Variants in WWOX observed in about 807,000 individuals in gnomAD.
WWOX encodes the protein WW domain containing oxidoreductase.
WWOX carries 69 observed loss-of-function variants against 46.2 expected under a neutral mutation model. That is an observed-to-expected ratio of 1.49 (90% CI 1.23 to 1.82). WWOX has a LOEUF of 1.82. WWOX is among the 40% of genes most tolerant of loss of function. The pLI is 0.00. For synonymous variants in WWOX, 359 were observed against 202.6 expected (o/e 1.77, Z -6.56); for missense variants, 919 against 542.6 (o/e 1.69, Z -6.89).
At chr16:78,728,721 C>T (rs1384906479) in intron 8 of WWOX, among the ~76,000 whole-genome samples, 1 of 152,174 alleles carries the variant, frequency 6.6e-6, no homozygotes, top group Non-Finnish European at 1.5e-5. Flanking sequence ...TTCCAGTTTT[C>T]ACATCCTATG....
intron 8 of WWOX, among the ~76,000 whole-genome samples, chr16:78,681,129 G>C (rs2047718919): frequency 6.6e-6 from 1 of 152,158 alleles, no homozygotes; most frequent in Non-Finnish European, 1.5e-5. Context: ...CATGCCTGTA[G>C]TCCCAGCTAC....
At chr16:78,218,851 A>G (rs942091813) in intron 5 of WWOX, among the ~76,000 whole-genome samples, 1 of 152,250 alleles carries the variant, frequency 6.6e-6, no homozygotes, top group Non-Finnish European at 1.5e-5. Context: ...TTTGAGTCTA[A>G]TTGTTTTTAA....
At chr16:78,636,404 T>C (rs1042082089) in intron 8 of WWOX, among the ~76,000 whole-genome samples, 3 of 152,174 alleles carry the variant, frequency 2.0e-5, no homozygotes, top group Admixed American at 1.3e-4. Flanking sequence ...TTAAAGGAGA[T>C]TACAGTAGAG....
chr16:78,674,544 C>A (rs2047545818), intron 8 of WWOX, among the ~76,000 whole-genome samples: 1 of 152,142 alleles, frequency 6.6e-6, no homozygotes, highest in African/African-American at 2.4e-5. Context: ...CTCAGCCTCC[C>A]AAAGTGCTGA....
chr16:78,375,510 A>G (rs1266064586), intron 5 of WWOX, among the ~76,000 whole-genome samples: 2 of 152,248 alleles, frequency 1.3e-5, no homozygotes, highest in African/African-American at 4.8e-5. Flanking sequence ...ATCAGGTATT[A>G]GAGACACAGA....
At chr16:78,261,729 A>G (rs983287022) in intron 5 of WWOX, among the ~76,000 whole-genome samples, 4 of 140,694 alleles carry the variant, frequency 2.8e-5, no homozygotes, top group African/African-American at 1.1e-4. Flanking sequence ...ATGTGGGCCC[A>G]TTTGCCATGT....
chr16:79,081,395 C>G (rs1372445657), intron 8 of WWOX, among the ~76,000 whole-genome samples: 1 of 152,158 alleles, frequency 6.6e-6, no homozygotes, highest in Non-Finnish European at 1.5e-5. Context: ...AATTCTTGAC[C>G]TCAGGTGATC....
chr16:78,746,583 C>G (rs1226276735), intron 8 of WWOX, among the ~76,000 whole-genome samples: 2 of 151,608 alleles, frequency 1.3e-5, no homozygotes, highest in Non-Finnish European at 2.9e-5. Flanking sequence ...GGATTTTTGG[C>G]TCTTGGCCTT....
intron 8 of WWOX, chr16:78,897,584 A>G (rs979844832): frequency 6.6e-6 from 1 of 152,218 alleles, no homozygotes; most frequent in South Asian, 2.1e-4. Context: ...GTTGATGAGC[A>G]TTGGGTTGTT....
Position 78,728,055 on chromosome 16 carries a change from CTTTTTTTTT to C in WWOX, c.1056+295322_1056+295330del, listed in dbSNP as rs758484198. On this transcript the variant is annotated intron_variant, in intron 8 of 8. Coordinates refer to ENST00000566780, the MANE Select transcript of WWOX (RefSeq NM_016373.4). ...TTCCTCTTTCCTCTCTCCCTCCTTC[CTTTTTTTTT>C]TTTTTTTTTTTTTTTTTTGAGAAAG... Among the ~76,000 whole-genome samples, 533 of 86,754 alleles carry C rather than the reference CTTTTTTTTT, an allele frequency of 6.1e-3. 3 individuals are homozygous for C. Among genetic ancestry groups the C allele is most frequent in the African/African-American group, 0.03 (501 of 16,936 alleles). 56.9% of individuals were successfully genotyped at this position (86,754 alleles called of 152,430 possible). A position where few individuals can be genotyped will look rare whatever the true frequency, so the allele number is the denominator to read the frequency against.
intron 8 of WWOX, among the ~76,000 whole-genome samples, chr16:78,901,974 C>T (rs938374488): frequency 6.6e-6 from 1 of 152,176 alleles, no homozygotes; most frequent in African/African-American, 2.4e-5. Flanking sequence ...GTGTGTATTT[C>T]TAAGTGGCAG....
In WWOX at chr16:78,446,324, C is replaced by T. The variant is rs989448116; in HGVS notation, c.1056+13572C>T. On this transcript the variant is annotated intron_variant, in intron 8 of 8. Coordinates refer to ENST00000566780, the MANE Select transcript of WWOX (RefSeq NM_016373.4). ...CTGAGGAGGTCTTGGGTTTAAAGGT[C>T]GAATTTTGCCACTTACTTTCTCCAT... Among the ~76,000 whole-genome samples the T allele has an allele frequency of 2.0e-5, 3 of 152,218 alleles. 1 individual carries two copies. The highest frequency in any genetic ancestry group is 2.0e-4 in the Admixed American group (3 of 15,278).
At chr16:79,104,665 G>A (rs1242974985) in intron 8 of WWOX, among the ~76,000 whole-genome samples, 1 of 152,170 alleles carries the variant, frequency 6.6e-6, no homozygotes, top group Non-Finnish European at 1.5e-5. Context: ...ATTTAAAAAT[G>A]CAGGTCATGA....
chr16:79,057,415 G>C (rs1332670987), intron 8 of WWOX, among the ~76,000 whole-genome samples: 1 of 152,170 alleles, frequency 6.6e-6, no homozygotes, highest in Non-Finnish European at 1.5e-5. Context: ...AACTGTTTTT[G>C]CTAAGCATTA....
intron 8 of WWOX, among the ~76,000 whole-genome samples, chr16:78,619,712 C>G (rs2046130044): frequency 6.6e-6 from 1 of 151,966 alleles, no homozygotes; most frequent in South Asian, 2.1e-4. Context: ...GGAGACCAGC[C>G]TGGGCAACAT....
chr16:79,155,376 A>G (rs986679316), intron 8 of WWOX, among the ~76,000 whole-genome samples: 1 of 152,060 alleles, frequency 6.6e-6, no homozygotes, highest in African/African-American at 2.4e-5. Context: ...CTCTGTTTCA[A>G]CAACAACAAC....
rs138264333 is a variant in WWOX at position 78,262,705 on chromosome 16, A to G, written c.516+98416A>G. 1.6e-3 allele frequency among the ~76,000 whole-genome samples: 239 copies of G among 152,268 alleles called. 1 individual carries two copies. The highest frequency in any genetic ancestry group is 5.5e-3 in the African/African-American group (227 of 41,566). On this transcript the variant is annotated intron_variant, in intron 5 of 8. Coordinates refer to ENST00000566780, the MANE Select transcript of WWOX (RefSeq NM_016373.4). ...GAGGAGGGGATATTTAGACTTACAG[A>G]CCTGCCCTACCTAAGGTCCCACAGA...
chr16:78,838,847 G>C (rs1443034691), intron 8 of WWOX, among the ~76,000 whole-genome samples: 5 of 152,040 alleles, frequency 3.3e-5, no homozygotes, highest in Admixed American at 2.6e-4. Context: ...CATCTCAAAA[G>C]AGAAGAAAAG....
chr16:78,454,829 A>G (rs1321745864), intron 8 of WWOX, among the ~76,000 whole-genome samples: 2 of 152,142 alleles, frequency 1.3e-5, no homozygotes, highest in Admixed American at 6.5e-5. Context: ...GTATGTGCCA[A>G]TGATGACCCA....
Sources: gnomAD v4.1 joint callset for allele counts (sites outside exome capture counted in the v4.1 genomes callset) on GRCh38, gnomAD v4.1.1 for gene constraint, MANE v1.5 for transcripts, NCBI Gene and HGNC (gene_info 2026-07-23, HGNC 2026-07-21) for gene names.